ASB11: variants seen among roughly 807,000 people sequenced by gnomAD.
ASB11 encodes ankyrin repeat and SOCS box protein 11.
ASB11 carries 17 observed loss-of-function variants against 20.1 expected under a neutral mutation model. The ratio of observed to expected loss-of-function variants is 0.85; its 90% CI spans 0.58 to 1.27. ASB11 has a LOEUF of 1.27. Among genes scored for constraint, ASB11 ranks in the 50% most tolerant of loss-of-function variants. ASB11 has a pLI of 0.00. For synonymous variants in ASB11, 107 were observed against 105.6 expected, an observed-to-expected ratio of 1.01 and a Z score of -0.08; for missense variants, 259 against 256.9, an observed-to-expected ratio of 1.01 and a Z score of -0.06.
At chrX:15,302,632 A>G in intron 2 of ASB11, 96 bp downstream of exon 2, 5 of 893,266 alleles carry the variant, frequency 5.6e-6, no homozygotes, top group Non-Finnish European at 8.1e-6. Flanking sequence ...TGGGACCTGG[A>G]TAGGGTGAGC....
At chrX:15,302,926 G>A (rs1921120139) in intron 1 of ASB11, 119 bp from the exon 2 acceptor site, 1 of 590,605 alleles carries the variant, frequency 1.7e-6, no homozygotes, top group African/African-American at 2.2e-5. Context: ...GAGGGAAGCA[G>A]GTATCACGCA....
intron 1 of ASB11, among the ~76,000 whole-genome samples, chrX:15,307,577 G>A (rs754889438): frequency 6.2e-5 from 7 of 112,237 alleles, no homozygotes; most frequent in Admixed American, 3.8e-4. Flanking sequence ...CTCACCTGCC[G>A]CTCACCTCCT....
intron 6 of ASB11, among the ~76,000 whole-genome samples, 173 bp downstream of exon 6, chrX:15,287,708 T>TACA (rs1360877862): frequency 2.7e-5 from 3 of 112,716 alleles, no homozygotes. Flanking sequence ...TTAGTGAATA[T>TACA]ACACAGCATA....
At chrX:15,313,131 G>A (rs1316236845) in intron 1 of ASB11, among the ~76,000 whole-genome samples, 1 of 111,813 alleles carries the variant, frequency 8.9e-6, no homozygotes, top group African/African-American at 3.3e-5. Context: ...AGGCACAGGT[G>A]CTCACACCTA....
intron 4 of ASB11, among the ~76,000 whole-genome samples, chrX:15,291,427 A>C (rs1301554872): frequency 8.9e-6 from 1 of 112,140 alleles, no homozygotes; most frequent in Non-Finnish European, 1.9e-5. Flanking sequence ...ATCAATATTA[A>C]ATTTTTAATA....
chrX:15,293,454 G>A, intron 3 of ASB11, 134 bp from the exon 4 acceptor site: 1 of 746,171 alleles, frequency 1.3e-6, no homozygotes, highest in South Asian at 3.0e-5. Context: ...CATCTTTACA[G>A]TATTATGAAA....
intron 1 of ASB11, among the ~76,000 whole-genome samples, chrX:15,308,080 T>C (rs1479441613): frequency 9.0e-6 from 1 of 111,528 alleles, no homozygotes. Context: ...TTTAGTGCCT[T>C]GGGAGTGGGG....
chrX:15,289,301 A>T (rs951145956), intron 5 of ASB11, among the ~76,000 whole-genome samples: 7 of 112,755 alleles, frequency 6.2e-5, no homozygotes, highest in Non-Finnish European at 1.1e-4. Flanking sequence ...AGGGAGAACA[A>T]TACCAGGTAA....
chrX:15,309,306 A>G (rs185377754), intron 1 of ASB11, among the ~76,000 whole-genome samples: 4 of 107,852 alleles, frequency 3.7e-5, no homozygotes, highest in Non-Finnish European at 7.7e-5. Context: ...CTAGATTCTT[A>G]GAAGAGTGTG....
intron 1 of ASB11, among the ~76,000 whole-genome samples, chrX:15,312,524 A>AG (rs1370398245): frequency 9.2e-6 from 1 of 108,268 alleles, no homozygotes; most frequent in Non-Finnish European, 1.9e-5. Flanking sequence ...AAAAAAAAAA[A>AG]AGAGTGCTCT....
chrX:15,312,526 G>T (rs1055340715), intron 1 of ASB11, among the ~76,000 whole-genome samples: 2 of 70,853 alleles, frequency 2.8e-5, no homozygotes, highest in Admixed American at 3.4e-4. Context: ...AAAAAAAAAA[G>T]AGTGCTCTGG....
chrX:15,295,173 G>C (rs996309150), intron 3 of ASB11, among the ~76,000 whole-genome samples: 1 of 111,038 alleles, frequency 9.0e-6, no homozygotes, highest in Non-Finnish European at 1.9e-5. Flanking sequence ...CTCCCAAGAA[G>C]CTGGGACTAC....
Position 15,283,520 on chromosome X carries a change from G to T in ASB11, c.957C>A (p.Phe319Leu). The T allele has an allele frequency of 8.3e-7, 1 of 1,211,129 alleles. No homozygotes were observed. Among genetic ancestry groups the T allele is most frequent in the South Asian group, 1.8e-5 (1 of 56,924 alleles). ...ACACTTAGGACTATTGGTATAGGAG[G>T]AATCGTTCGAGTGGCTCTGGCAGAT... ...KLHLPEPLER[F>L]LLYQ The change falls in exon 7 of 7, where the codon TTC becomes TTA. Residue 319 changes from phenylalanine to leucine, a missense_variant. Coordinates refer to ENST00000480796, the MANE Select transcript of ASB11 (RefSeq NM_080873.3).
At chrX:15,310,443 G>A (rs1387980104) in intron 1 of ASB11, among the ~76,000 whole-genome samples, 2 of 112,008 alleles carry the variant, frequency 1.8e-5, no homozygotes, top group Non-Finnish European at 3.8e-5. Flanking sequence ...CTGATGAGGT[G>A]TACGGAAAAT....
Position 15,299,754 on chromosome X carries a change from T to C in ASB11, c.262-2073A>G, listed in dbSNP as rs1168121788. Reference sequence around the variant, plus strand: ...GGTGCTTAGAATTTTATTTTTGATTTATAAAAGGAATTAGGTCCCTGGTCT... The same window carrying C: ...GGTGCTTAGAATTTTATTTTTGATTCATAAAAGGAATTAGGTCCCTGGTCT... On this transcript the variant is annotated intron_variant, in intron 2 of 6. Coordinates refer to ENST00000480796, the MANE Select transcript of ASB11 (RefSeq NM_080873.3). Among the ~76,000 whole-genome samples the C allele has an allele frequency of 2.7e-5, 3 of 111,101 alleles. No individual in the cohort carries two copies. The Admixed American group carries it at 2.9e-4, about 11-fold the overall frequency.
At chrX:15,284,145 G>C (rs1042544722) in intron 6 of ASB11, among the ~76,000 whole-genome samples, 1 of 106,454 alleles carries the variant, frequency 9.4e-6, no homozygotes, top group South Asian at 4.2e-4. Flanking sequence ...CCAGCTACTC[G>C]GGAGGCTGAG....
chrX:15,288,744 G>A (rs1338795573), intron 5 of ASB11, among the ~76,000 whole-genome samples: 1 of 110,414 alleles, frequency 9.1e-6, no homozygotes, highest in Non-Finnish European at 1.9e-5. Flanking sequence ...AATTAGCCGG[G>A]TGTAGTGGTG....
rs1190390397 is a variant in ASB11, at chrX:15,315,295, G to C, written c.181+130C>G. On this transcript the variant is annotated intron_variant, in intron 1 of 6. Coordinates refer to ENST00000480796, the MANE Select transcript of ASB11 (RefSeq NM_080873.3). ...CAGCCAACAGCATTTGCTACTTTAAGTGACAATTTTTCAAACTACCCACTT... is the reference window on the plus strand; with the variant it reads ...CAGCCAACAGCATTTGCTACTTTAACTGACAATTTTTCAAACTACCCACTT... 3 of 545,524 alleles carry C rather than the reference G, an allele frequency of 5.5e-6. No homozygotes were observed. The East Asian group carries it at 1.3e-4, about 23-fold the overall frequency. The allele number at this position is 545,524 out of a possible 1,213,427, so 45.0% of individuals were successfully genotyped here. A position where few individuals can be genotyped will look rare whatever the true frequency, so the allele number is the denominator to read the frequency against.
chrX:15,284,165 T>C (rs1468024377), intron 6 of ASB11, among the ~76,000 whole-genome samples: 1 of 99,134 alleles, frequency 1.0e-5, no homozygotes, highest in Non-Finnish European at 2.0e-5. Context: ...GGCAGGAGAA[T>C]GGCGTGAACC....
Sources: allele counts gnomAD v4.1 joint callset (sites outside exome capture counted in the v4.1 genomes callset), GRCh38; gene constraint gnomAD v4.1.1; transcripts MANE v1.5; gene names NCBI Gene and HGNC (gene_info 2026-07-23, HGNC 2026-07-21).